Variants in SH2B2 observed in about 807,000 individuals in gnomAD.
SH2B2 encodes the protein SH2B adapter protein 2.
SH2B2 carries 37 observed loss-of-function variants against 35.7 expected under a neutral mutation model. The observed-to-expected ratio is 1.04, with a 90% CI of 0.80 to 1.36. The LOEUF is 1.36. SH2B2 is among the 40% of genes most tolerant of loss of function. The pLI, the probability that SH2B2 is intolerant of heterozygous loss-of-function variation, is 0.00. For missense variants in SH2B2, 852 were observed against 817.7 expected, an observed-to-expected ratio of 1.04 and a Z score of -0.51; for synonymous variants, 383 against 376.4, an observed-to-expected ratio of 1.02 and a Z score of -0.20.
chr7:102,298,068 G>A (rs1792993215), intron 1 of SH2B2, among the ~76,000 whole-genome samples: 1 of 152,124 alleles, frequency 6.6e-6, no homozygotes, highest in African/African-American at 2.4e-5. Context: ...TATGCTTCTG[G>A]GAGGGCAAGG....
chr7:102,308,363 C>T (rs142577408), intron 3 of SH2B2, among the ~76,000 whole-genome samples: 15 of 152,352 alleles, frequency 9.8e-5, no homozygotes, highest in African/African-American at 2.2e-4. Context: ...GTATCTCAAG[C>T]GCATGGCCAT....
chr7:102,300,466 A>G (rs1793101081), intron 1 of SH2B2, 56 bp from the exon 2 acceptor site: 3 of 1,471,130 alleles, frequency 2.0e-6, no homozygotes, highest in African/African-American at 1.4e-5. Context: ...AGGAGGGGAC[A>G]GGTGGGCGCA....
intron 1 of SH2B2, among the ~76,000 whole-genome samples, chr7:102,298,873 C>A (rs1276067179): frequency 6.7e-6 from 1 of 149,860 alleles, no homozygotes; most frequent in African/African-American, 2.5e-5. Flanking sequence ...TGTGCCCGGC[C>A]AAGACAATTT....
intron 1 of SH2B2, among the ~76,000 whole-genome samples, chr7:102,288,315 G>C (rs1487645321): frequency 6.6e-6 from 1 of 152,050 alleles, no homozygotes; most frequent in African/African-American, 2.4e-5. Flanking sequence ...GAGAGGTCTG[G>C]TGGTGGCGGT....
At chr7:102,304,168 GC>G (rs1233595341) in intron 2 of SH2B2, among the ~76,000 whole-genome samples, 2 of 152,088 alleles carry the variant, frequency 1.3e-5, no homozygotes, top group East Asian at 1.9e-4. Context: ...CAGATCTCTT[GC>G]CTCCAAGAGG....
At position 102,297,644 on chromosome 7, in the gene SH2B2, G is replaced by A. The variant is rs945961276; in HGVS notation, c.-29-2878G>A. ...TTAGGCCCCAAGTGAGGGCTTAGGC[G>A]GTGACAGCTGTGACATGCCTGGTGT... On this transcript the variant is annotated intron_variant, in intron 1 of 8. Coordinates refer to ENST00000444095, the MANE Select transcript of SH2B2 (RefSeq NM_001359228.2). The surrounding 1 kb of genome is among the most constrained non-coding windows in gnomAD (Gnocchi z 4.3). Among the ~76,000 whole-genome samples the A allele has an allele frequency of 2.0e-5, 3 of 152,212 alleles. No individual in the cohort carries two copies. The highest frequency in any genetic ancestry group is 2.9e-5 in the Non-Finnish European group (2 of 68,008).
intron 1 of SH2B2, 151 bp from the exon 2 acceptor site, chr7:102,300,371 T>G (rs1007447997): frequency 2.3e-5 from 24 of 1,024,912 alleles, no homozygotes; most frequent in Non-Finnish European, 3.1e-5. Context: ...CTGCTTGGAA[T>G]GGCTGCCTGC....
Position 102,321,459 on chromosome 7 carries a change from C to T in SH2B2, c.1728C>T (p.Ala576=). 3.3e-6 allele frequency: 4 copies of T among 1,227,160 alleles called. No individual in the cohort carries two copies. Among genetic ancestry groups the T allele is most frequent in the Non-Finnish European group, 4.1e-6 (4 of 981,074 alleles). 76.0% of individuals were successfully genotyped at this position (1,227,160 alleles called of 1,614,324 possible). A position where few individuals can be genotyped will look rare whatever the true frequency, so the allele number is the denominator to read the frequency against. Residue 576 remains alanine, a synonymous_variant, in exon 9 of 9, where the codon GCC becomes GCT. Coordinates refer to ENST00000444095, the MANE Select transcript of SH2B2 (RefSeq NM_001359228.2). ...CGTCTTCCGCCTCGTCGTCCTCTGC[C>T]GCGTCGGGGCCCGCCCCCCCGCGCC... is the stretch of plus-strand genomic sequence containing the variant. ...ASSSSASSSS[A]ASGPAPPRPV... is the part of the protein sequence containing the mutation.
chr7:102,308,886 C>CA lies in SH2B2; in HGVS notation c.903_904insA (p.Gln302ThrfsTer8), dbSNP rs1793505852. ...AGAAGCACTCGTGGGTAGCTGACAT[C>CA]CAGGGCTGCGTGGACCCCGGGTGAG... On this transcript the variant is annotated frameshift_variant, in exon 4 of 9. Coordinates refer to ENST00000444095, the MANE Select transcript of SH2B2 (RefSeq NM_001359228.2). LOFTEE classifies it high-confidence loss of function. The CA allele has an allele frequency of 6.2e-7, 1 of 1,613,634 alleles. No homozygotes were observed. The highest frequency in any genetic ancestry group is 1.3e-5 in the African/African-American group (1 of 75,046).
chr7:102,288,117 G>A (rs1586559383), intron 1 of SH2B2, among the ~76,000 whole-genome samples: 1 of 152,146 alleles, frequency 6.6e-6, no homozygotes, highest in Non-Finnish European at 1.5e-5. Context: ...GGTCCCTGGA[G>A]CTCCTCTGGG....
intron 1 of SH2B2, among the ~76,000 whole-genome samples, chr7:102,299,534 G>A (rs2132945982): frequency 6.6e-6 from 1 of 152,212 alleles, no homozygotes; most frequent in African/African-American, 2.4e-5. Context: ...CCTGGGAGGA[G>A]AACAGACTTT....
rs782285097 is a variant in SH2B2, at chr7:102,306,771, C to T, written c.780C>T (p.Arg260=). ...SIPLSAIIEV[R]TTMPLEMPEK... is the part of the protein sequence containing the mutation. ...CACTGTCAGCCATCATTGAGGTCCG[C>T]ACCACCATGCCCCTGGAAATGCCAG... The change falls in exon 3 of 9, where the codon CGC becomes CGT. Residue 260 remains arginine, a synonymous_variant. Coordinates refer to ENST00000444095, the MANE Select transcript of SH2B2 (RefSeq NM_001359228.2). 1.9e-6 allele frequency: 3 copies of T among 1,601,028 alleles called. No individual in the cohort carries two copies. The highest frequency in any genetic ancestry group is 1.7e-6 in the Non-Finnish European group (2 of 1,174,122).
In SH2B2 at chr7:102,320,452, C is replaced by T. The variant is rs372370205; in HGVS notation, c.1517C>T (p.Ser506Leu). Residue 506 changes from serine (S) to leucine (L), a missense_variant, in exon 8 of 9, where the codon TCG becomes TTG. Ser to Leu is a moderately radical substitution (Grantham distance 145). Transcript: ENST00000444095. The part of the protein sequence containing the change: ...THPIPLESGG[S>L]ADITLRSYVR... ...CCCATCCCACTGGAGTCAGGGGGCTCGGCCGACATCACCCTTCGCAGCTAT... is the reference window on the plus strand; with the variant it reads ...CCCATCCCACTGGAGTCAGGGGGCTTGGCCGACATCACCCTTCGCAGCTAT... 88 of 1,613,614 alleles carry T rather than the reference C, an allele frequency of 5.5e-5. No homozygotes were observed. Among genetic ancestry groups the T allele is most frequent in the Non-Finnish European group, 6.4e-5 (76 of 1,179,860 alleles).
chr7:102,286,455 C>A (rs1322373036), upstream of SH2B2, among the ~76,000 whole-genome samples: 1 of 152,178 alleles, frequency 6.6e-6, no homozygotes, highest in African/African-American at 2.4e-5. Context: ...GTCCCATACA[C>A]CCGCCACGCA....
rs782504797 is a variant in SH2B2, at chr7:102,320,481, C to G, written c.1546C>G (p.Arg516Gly). ...CGACATCACCCTTCGCAGCTATGTG[C>G]GGGCCCAGGACCCCCCACCAGGTAA... ...SADITLRSYV[R>G]AQDPPPEPGP... is the part of the protein sequence containing the mutation. Residue 516 changes from arginine (R) to glycine (G), a missense_variant, in exon 8 of 9, where the codon CGG becomes GGG. Physicochemically the swap from Arg to Gly is moderately radical, Grantham distance 125 (BLOSUM62 -2). This residue lies in a region of SH2B2 where 556 missense variants were observed against 514.5 expected (regional missense o/e 1.08). Coordinates refer to ENST00000444095, the MANE Select transcript of SH2B2 (RefSeq NM_001359228.2). The G allele has an allele frequency of 6.2e-7, 1 of 1,613,494 alleles. No individual in the cohort carries two copies. Among genetic ancestry groups the G allele is most frequent in the African/African-American group, 1.3e-5 (1 of 74,962 alleles).
intron 7 of SH2B2, among the ~76,000 whole-genome samples, chr7:102,320,127 C>T (rs181939318): frequency 1.9e-4 from 29 of 152,286 alleles, no homozygotes; most frequent in Non-Finnish European, 3.1e-4. Context: ...AGCATGGGGA[C>T]AATGCCTGAT....
chr7:102,311,002 G>T (rs1618338), intron 4 of SH2B2, among the ~76,000 whole-genome samples: 152,356 of 152,356 alleles, frequency 1, 76,178 homozygotes, highest in Non-Finnish European at 1. Flanking sequence ...GCCTTCCCCT[G>T]GGCTTTCTGA....
chr7:102,300,749 G>A lies in SH2B2; in HGVS notation c.199G>A (p.Ala67Thr), dbSNP rs1554553498. Reference sequence around the variant, plus strand: ...CGCCTCCTTCTCCCGCCACTTCGCCGCCAACTTCCTGGACGTCTTCGGCGA... The same window carrying A: ...CGCCTCCTTCTCCCGCCACTTCGCCACCAACTTCCTGGACGTCTTCGGCGA... ...AGASFSRHFA[A>T]NFLDVFGEEV... The change falls in exon 2 of 9, where the codon GCC (alanine) becomes ACC (threonine). Residue 67 changes from alanine to threonine, a missense_variant. This residue lies in a region of SH2B2 where 294 missense variants were observed against 286.6 expected (regional missense o/e 1.03). Transcript: ENST00000444095. 1.3e-6 allele frequency: 2 copies of A among 1,539,672 alleles called. No individual in the cohort carries two copies. The highest frequency in any genetic ancestry group is 2.0e-5 in the Admixed American group (1 of 50,092).
intron 7 of SH2B2, among the ~76,000 whole-genome samples, chr7:102,319,038 G>T (rs1793960762): frequency 6.6e-6 from 1 of 152,114 alleles, no homozygotes; most frequent in Non-Finnish European, 1.5e-5. Flanking sequence ...TCTTCTCCCA[G>T]AGTGGAGATG....
Sources: allele counts gnomAD v4.1 joint callset (sites outside exome capture counted in the v4.1 genomes callset), GRCh38; gene constraint gnomAD v4.1.1; regional missense constraint gnomAD v4.1.1; non-coding constraint Gnocchi (gnomAD v3.1); transcripts MANE v1.5; gene names NCBI Gene and HGNC (gene_info 2026-07-23, HGNC 2026-07-21).